Variants in EBI3 observed in about 807,000 individuals in gnomAD.
EBI3 encodes the protein interleukin-27 subunit beta.
EBI3 carries 19 observed loss-of-function variants against 21.3 expected under a neutral mutation model. The observed-to-expected ratio is 0.89, with a 90% confidence interval of 0.62 to 1.31. EBI3 has a LOEUF of 1.31. Among genes scored for constraint, EBI3 ranks in the 50% most tolerant of loss-of-function variants. EBI3 has a pLI of 0.00. For missense variants in EBI3, 331 were observed against 314.0 expected, an observed-to-expected ratio of 1.05 and a Z score of -0.41; for synonymous variants, 154 against 131.2, an observed-to-expected ratio of 1.17 and a Z score of -1.19.
At position 4,233,131 on chromosome 19, in the gene EBI3, T is replaced by A; in HGVS notation, c.203T>A (p.Leu68His). 1 of 1,590,406 alleles carries A rather than the reference T, an allele frequency of 6.3e-7. No homozygotes were observed. Among genetic ancestry groups the A allele is most frequent in the Non-Finnish European group, 8.5e-7 (1 of 1,174,884 alleles). Reference protein sequence around the residue: ...SPVSFIATYRLGMAARGHSWP... With the variant: ...SPVSFIATYRHGMAARGHSWP... ...TCAGCGAGCCCCACCCTGTGCAGGC[T>A]CGGCATGGCTGCCCGGGGCCACAGC... is the stretch of plus-strand genomic sequence containing the variant. Residue 68 changes from leucine (L) to histidine (H), a missense_variant and splice_region_variant, in exon 3 of 5, where the codon CTC becomes CAC. Transcript: ENST00000221847.
rs767895409 is a variant in EBI3, at chr19:4,231,258, T to C, written c.135T>C (p.Asp45=). 1.9e-6 allele frequency: 3 copies of C among 1,612,966 alleles called. No individual in the cohort carries two copies. The highest frequency in any genetic ancestry group is 1.3e-5 in the African/African-American group (1 of 74,780). Residue 45 remains aspartate, a synonymous_variant, in exon 2 of 5, where the codon GAT becomes GAC. Coordinates refer to ENST00000221847, the MANE Select transcript of EBI3 (RefSeq NM_005755.3). ...CCTCTCGGTACCCGATCGCCGTGGATTGCTCCTGGACCCTGCCGCCTGCTC... is the reference window on the plus strand; with the variant it reads ...CCTCTCGGTACCCGATCGCCGTGGACTGCTCCTGGACCCTGCCGCCTGCTC... ...CRASRYPIAV[D]CSWTLPPAPN... is the part of the protein sequence containing the mutation.
intron 3 of EBI3, among the ~76,000 whole-genome samples, 190 bp downstream of exon 3, chr19:4,233,497 C>G (rs1281656570): frequency 6.6e-6 from 1 of 152,124 alleles, no homozygotes; most frequent in Non-Finnish European, 1.5e-5. Context: ...TCCCCTCCAT[C>G]CTGAGCCCTG....
chr19:4,233,426 C>A, intron 3 of EBI3, 119 bp downstream of exon 3: 1 of 1,172,430 alleles, frequency 8.5e-7, no homozygotes, highest in Non-Finnish European at 1.2e-6. Context: ...AAGCAAAAAT[C>A]TGACCCCTTC....
chr19:4,235,238 C>T (rs112627751), intron 4 of EBI3, among the ~76,000 whole-genome samples: 9,999 of 151,752 alleles, frequency 0.066, 547 homozygotes, highest in South Asian at 0.3. Context: ...AGGCTGGTCT[C>T]GAACTTCTGA....
At chr19:4,232,222 C>CAAAAAAAAAAAAAA (rs71166979) in intron 2 of EBI3, among the ~76,000 whole-genome samples, 33 of 57,816 alleles carry the variant, frequency 5.7e-4, no homozygotes, top group Non-Finnish European at 8.0e-4. Flanking sequence ...GACCCCGTCT[C>CAAAAAAAAAAAAAA]AAAAAAAAAA....
chr19:4,229,691 C>G, intron 1 of EBI3, 74 bp downstream of exon 1: 39 of 1,451,076 alleles, frequency 2.7e-5, no homozygotes, highest in South Asian at 5.1e-5. Flanking sequence ...CGGATCATGT[C>G]TGGGGTGGGA....
Position 4,233,213 on chromosome 19 carries a change from G to T in EBI3, c.285G>T (p.Gln95His). Residue 95 changes from glutamine (Q) to histidine (H), a missense_variant, in exon 3 of 5, where the codon CAG (glutamine) becomes CAT (histidine). Gln to His is a conservative substitution (Grantham distance 24). Transcript: ENST00000221847. ...CCAGCTGCACCATCACGGATGTCCAGCTGTTCTCCATGGCTCCCTACGTGC... is the reference window on the plus strand; with the variant it reads ...CCAGCTGCACCATCACGGATGTCCATCTGTTCTCCATGGCTCCCTACGTGC... ...TSTSCTITDV[Q>H]LFSMAPYVLN... 1 of 1,612,868 alleles carries T rather than the reference G, an allele frequency of 6.2e-7. No homozygotes were observed.
At position 4,234,625 on chromosome 19, in the gene EBI3, G is replaced by A. The variant is rs370502917; in HGVS notation, c.380-42G>A. On this transcript the variant is annotated intron_variant, in intron 3 of 4. Coordinates refer to ENST00000221847, the MANE Select transcript of EBI3 (RefSeq NM_005755.3). The stretch of plus-strand genomic sequence containing the variant: ...TGAATGAGTGAATGAATGAATGACT[G>A]GACTTACTGTCCCCTGACCCTGCTT... The A allele has an allele frequency of 1.9e-4, 294 of 1,583,390 alleles. 1 individual carries two copies. Among genetic ancestry groups the A allele is most frequent in the Admixed American group, 4.0e-4 (22 of 54,694 alleles).
chr19:4,236,392 G>T (rs1346643436), intron 4 of EBI3, among the ~76,000 whole-genome samples: 1 of 151,554 alleles, frequency 6.6e-6, no homozygotes, highest in Non-Finnish European at 1.5e-5. Context: ...CATGGTGGCG[G>T]GCGCCTGTAA....
chr19:4,229,646 G>T, intron 1 of EBI3, 29 bp downstream of exon 1: 1 of 1,584,058 alleles, frequency 6.3e-7, no homozygotes, highest in Middle Eastern at 1.7e-4. Flanking sequence ...GGACTGGGGG[G>T]CCCAGGCAGA....
At chr19:4,230,616 G>T (rs988837042) in intron 1 of EBI3, among the ~76,000 whole-genome samples, 2 of 151,772 alleles carry the variant, frequency 1.3e-5, no homozygotes, top group African/African-American at 4.8e-5. Flanking sequence ...GGGTTTGGTG[G>T]CTCACGCCTG....
Position 4,232,090 on chromosome 19 carries a change from T to G in EBI3, c.200+767T>G, listed in dbSNP as rs141664572. Among the ~76,000 whole-genome samples, 847 of 151,536 alleles carry G rather than the reference T, an allele frequency of 5.6e-3. 6 individuals carry two copies. Among genetic ancestry groups the G allele is most frequent in the African/African-American group, 0.02 (809 of 41,284 alleles). On this transcript the variant is annotated intron_variant, in intron 2 of 4. Transcript: ENST00000221847. ...AAATGCAAAAATTTGCCAGGTGTGA[T>G]GGCACGCGCCTGTAGTCCCAGCTAC...
At position 4,231,247 on chromosome 19, in the gene EBI3, ATCGCCGT is replaced by A. The variant is rs1970779292; in HGVS notation, c.125_131del (p.Ile42ArgfsTer79). 3.7e-6 allele frequency: 6 copies of A among 1,612,418 alleles called. No homozygotes were observed. Among genetic ancestry groups the A allele is most frequent in the Non-Finnish European group, 5.1e-6 (6 of 1,179,560 alleles). On this transcript the variant is annotated frameshift_variant, in exon 2 of 5. Coordinates refer to ENST00000221847, the MANE Select transcript of EBI3 (RefSeq NM_005755.3). LOFTEE classifies it high-confidence loss of function. ...GCAATGCCGAGCCTCTCGGTACCCG[ATCGCCGT>A]GGATTGCTCCTGGACCCTGCCGCCT...
intron 2 of EBI3, among the ~76,000 whole-genome samples, chr19:4,231,981 C>T (rs1213172188): frequency 1.3e-5 from 2 of 151,760 alleles, no homozygotes; most frequent in African/African-American, 2.4e-5. Flanking sequence ...AATCCCAGCA[C>T]TTTGGGAGGC....
chr19:4,231,326 CG>C lies in EBI3; in HGVS notation c.200+5del. 6.2e-7 allele frequency: 1 copy of C among 1,602,942 alleles called. No homozygotes were observed. Among genetic ancestry groups the C allele is most frequent in the Non-Finnish European group, 8.5e-7 (1 of 1,176,352 alleles). ...GTGTCCTTCATTGCCACGTACAGGT[CG>C]GAGAGCCTGGAAGGGGGCCTCAGGG... On this transcript the variant is annotated splice_donor_region_variant and intron_variant, in intron 2 of 4. Transcript: ENST00000221847.
intron 4 of EBI3, among the ~76,000 whole-genome samples, chr19:4,235,066 G>A (rs746149117): frequency 3.3e-5 from 5 of 152,058 alleles, no homozygotes; most frequent in Non-Finnish European, 7.4e-5. Context: ...TCGCTCTGTC[G>A]CCCAGGCAGT....
intron 2 of EBI3, among the ~76,000 whole-genome samples, chr19:4,232,692 C>G (rs1248079609): frequency 1.3e-5 from 2 of 152,054 alleles, no homozygotes; most frequent in Non-Finnish European, 2.9e-5. Flanking sequence ...CCACTGCACT[C>G]CAGCCTGGGC....
In EBI3 at chr19:4,231,230, G is replaced by A. The variant is rs779882741; in HGVS notation, c.107G>A (p.Arg36Gln). 1.2e-5 allele frequency: 19 copies of A among 1,610,854 alleles called. No individual in the cohort carries two copies. Among genetic ancestry groups the A allele is most frequent in the Admixed American group, 3.4e-5 (2 of 59,162 alleles). Residue 36 changes from arginine to glutamine, a missense_variant, in exon 2 of 5, where the codon CGA (arginine) becomes CAA (glutamine). By Grantham distance (43) the Arg-to-Gln change is conservative (BLOSUM62 1). Transcript: ENST00000221847. ...CTGACACTGCCCCGGGTGCAATGCC[G>A]AGCCTCTCGGTACCCGATCGCCGTG... ...AALTLPRVQC[R>Q]ASRYPIAVDC...
At position 4,233,255 on chromosome 19, in the gene EBI3, C is replaced by A. The variant is rs1218850690; in HGVS notation, c.327C>A (p.Val109=). The A allele has an allele frequency of 6.2e-7, 1 of 1,612,902 alleles. No homozygotes were observed. Among genetic ancestry groups the A allele is most frequent in the East Asian group, 2.2e-5 (1 of 44,826 alleles). ...MAPYVLNVTA[V]HPWGSSSSFV... ...CCTACGTGCTCAATGTCACCGCCGT[C>A]CACCCCTGGGGCTCCAGCAGCAGCT... The change falls in exon 3 of 5, where the codon GTC becomes GTA. Residue 109 remains valine (V), a synonymous_variant. Transcript: ENST00000221847.
Sources: gnomAD v4.1 joint callset for allele counts (sites outside exome capture counted in the v4.1 genomes callset) on GRCh38, gnomAD v4.1.1 for gene constraint, MANE v1.5 for transcripts, NCBI Gene and HGNC (gene_info 2026-07-23, HGNC 2026-07-21) for gene names.